Variants in RNF222 observed in about 807,000 individuals in gnomAD.
RNF222 encodes the protein ring finger protein 222, also known as RING finger protein LOC643904.
RNF222 carries 14 observed loss-of-function variants against 10.8 expected under a neutral mutation model. The observed-to-expected ratio is 1.30, with a 90% CI of 0.86 to 2.03. RNF222 has a LOEUF of 2.03. Among genes scored for constraint, RNF222 ranks in the 30% most tolerant of loss-of-function variants. The pLI, the probability that RNF222 is intolerant of heterozygous loss-of-function variation, is 0.00. For synonymous variants in RNF222, 141 were observed against 142.5 expected, an observed-to-expected ratio of 0.99 and a Z score of 0.07; for missense variants, 298 against 295.8, an observed-to-expected ratio of 1.01 and a Z score of -0.06.
In RNF222 at chr17:8,394,680, C is replaced by T. The variant is rs572050659; in HGVS notation, c.-177-351G>A. On this transcript the variant is annotated intron_variant, in intron 1 of 2. Transcript: ENST00000399398. ...CTTGAACTCCTGACCTCCGGTGATC[C>T]GCCCGCCTCGGCTGGCCTCCCAAAG... 4.6e-5 allele frequency among the ~76,000 whole-genome samples: 7 copies of T among 152,260 alleles called. No individual in the cohort carries two copies. The East Asian group carries it at 7.7e-4, about 17-fold the overall frequency.
At chr17:8,397,283 T>G (rs1908066673) in intron 1 of RNF222, among the ~76,000 whole-genome samples, 2 of 152,112 alleles carry the variant, frequency 1.3e-5, no homozygotes, top group Admixed American at 6.5e-5. Context: ...TAAACAAGGA[T>G]GCCCCTCTGG....
In RNF222 at chr17:8,391,013, C is replaced by G. The variant is rs1907803902; in HGVS notation, c.*1786G>C. ...TCTGTATCCCTCCCCTCCAATAGCA[C>G]CTGTGCTCTTCTGTAATTTTTTTTT... is the stretch of plus-strand genomic sequence containing the variant. On this transcript the variant is annotated 3_prime_UTR_variant, in exon 3 of 3. Coordinates refer to ENST00000399398, the MANE Select transcript of RNF222 (RefSeq NM_001146684.3). The G allele has an allele frequency of 6.6e-6, 1 of 151,988 alleles. No homozygotes were observed. Among genetic ancestry groups the G allele is most frequent in the South Asian group, 2.1e-4 (1 of 4,826 alleles). 9.4% of individuals were successfully genotyped at this position (151,988 alleles called of 1,614,324 possible).
chr17:8,393,443 T>G lies in RNF222; in HGVS notation c.19A>C (p.Lys7Gln). 6.5e-7 allele frequency: 1 copy of G among 1,550,200 alleles called. No homozygotes were observed. Among genetic ancestry groups the G allele is most frequent in the Non-Finnish European group, 8.7e-7 (1 of 1,146,264 alleles). The change falls in exon 3 of 3, where the codon AAG (lysine) becomes CAG (glutamine). Residue 7 changes from lysine (K) to glutamine (Q), a missense_variant. Transcript: ENST00000399398. ...GGGCACTCACTGCCCGAGCTGTCCT[T>G]GCTCTCCCCTTCTGACATGGCCACT... The part of the protein sequence containing the change: MSEGES[K>Q]DSSGSECPVC...
At chr17:8,396,031 G>T (rs1317064628) in intron 1 of RNF222, among the ~76,000 whole-genome samples, 1 of 152,224 alleles carries the variant, frequency 6.6e-6, no homozygotes, top group Non-Finnish European at 1.5e-5. Flanking sequence ...AAACTTTAGA[G>T]CCTAGTGGAC....
Position 8,393,061 on chromosome 17 carries a change from TG to T in RNF222, c.400del (p.Gln134SerfsTer83). The T allele has an allele frequency of 6.7e-7, 1 of 1,493,522 alleles. No individual in the cohort carries two copies. The allele number at this position is 1,493,522 out of a possible 1,614,324, so 92.5% of individuals were successfully genotyped here. ...GCTGGGCAGCAGGTCCAGGGGGAGC[TG>T]GGCGCTCTGGCCCGGGCTGCCTGGC... ...RPPGSPGQSA[Q>X]LPLDLLPSLP... is the part of the protein sequence containing the mutation. On this transcript the variant is annotated frameshift_variant, in exon 3 of 3. Coordinates refer to ENST00000399398, the MANE Select transcript of RNF222 (RefSeq NM_001146684.3). LOFTEE classifies it high-confidence loss of function.
intron 1 of RNF222, among the ~76,000 whole-genome samples, chr17:8,396,891 G>GA (rs1908054729): frequency 2.0e-5 from 3 of 152,170 alleles, no homozygotes; most frequent in Admixed American, 1.3e-4. Flanking sequence ...ACTCTAGTTT[G>GA]AGCACAAACG....
At chr17:8,394,759 A>G (rs1275142760) in intron 1 of RNF222, among the ~76,000 whole-genome samples, 1 of 152,246 alleles carries the variant, frequency 6.6e-6, no homozygotes, top group Admixed American at 6.5e-5. Context: ...GGTTTTAAAC[A>G]GAATCTGAGA....
Position 8,392,421 on chromosome 17 carries a change from T to C in RNF222, c.*378A>G. The C allele has an allele frequency of 4.5e-6, 1 of 223,578 alleles. No homozygotes were observed. Among genetic ancestry groups the C allele is most frequent in the South Asian group, 6.9e-5 (1 of 14,494 alleles). 13.8% of individuals were successfully genotyped at this position (223,578 alleles called of 1,614,324 possible). The stretch of plus-strand genomic sequence containing the variant: ...TGCCATCGGCCAGCCCAGCAGGACG[T>C]CTGCCTGCAGGACTTTCTTGTCCCT... On this transcript the variant is annotated 3_prime_UTR_variant, in exon 3 of 3. Coordinates refer to ENST00000399398, the MANE Select transcript of RNF222 (RefSeq NM_001146684.3). The surrounding 1 kb of genome is among the most constrained non-coding windows in gnomAD (Gnocchi z 4.3).
rs766617222 is a variant in RNF222, at chr17:8,392,777, G to A, written c.*22C>T. On this transcript the variant is annotated 3_prime_UTR_variant, in exon 3 of 3. Transcript: ENST00000399398. This position sits in a 1 kb window ranked among gnomAD's most constrained non-coding sequence, Gnocchi z 4.3. ...TCCCACCCCAGGCCACGGCTAGCCC[G>A]GCGGCCTCCCTGAGGTGCGGCTCAC... 2.5e-5 allele frequency: 38 copies of A among 1,530,048 alleles called. No individual in the cohort carries two copies. Among genetic ancestry groups the A allele is most frequent in the South Asian group, 2.0e-4 (17 of 83,704 alleles). 94.8% of individuals were successfully genotyped at this position (1,530,048 alleles called of 1,614,324 possible).
intron 2 of RNF222, 30 bp from the exon 3 acceptor site, chr17:8,393,516 G>T: frequency 6.7e-7 from 1 of 1,492,780 alleles, no homozygotes; most frequent in Non-Finnish European, 8.9e-7. Flanking sequence ...TGAATATTGG[G>T]GCATTTCCTC....
chr17:8,393,754 T>C (rs1907950119), intron 2 of RNF222, among the ~76,000 whole-genome samples: 1 of 152,192 alleles, frequency 6.6e-6, no homozygotes, highest in Non-Finnish European at 1.5e-5. Flanking sequence ...CCAGTCACAC[T>C]GGACCCCAGG....
chr17:8,393,588 C>T, intron 2 of RNF222, 102 bp from the exon 3 acceptor site: 1 of 1,408,060 alleles, frequency 7.1e-7, no homozygotes, highest in South Asian at 1.5e-5. Context: ...TATCCCCTCT[C>T]CCTGTCTTCT....
rs889821488 is a variant in RNF222, at chr17:8,394,341, G to A, written c.-177-12C>T. 8.5e-5 allele frequency: 13 copies of A among 152,124 alleles called. No homozygotes were observed. Among genetic ancestry groups the A allele is most frequent in the Non-Finnish European group, 1.9e-4 (13 of 68,008 alleles). The allele number at this position is 152,124 out of a possible 1,614,324, so 9.4% of individuals were successfully genotyped here. On this transcript the variant is annotated splice_polypyrimidine_tract_variant and intron_variant, in intron 1 of 2. Transcript: ENST00000399398. ...ACTGGTAGCCAAGTCTGATAGGAAA[G>A]TAAATGAGTGATCAAGTGGCATGAT... is the stretch of plus-strand genomic sequence containing the variant.
In RNF222 at chr17:8,393,613, C is replaced by A. The variant is rs1014741523; in HGVS notation, c.-25-127G>T. The A allele has an allele frequency of 9.2e-6, 12 of 1,310,116 alleles. No homozygotes were observed. The African/African-American group carries it at 1.8e-4, about 19-fold the overall frequency. 81.2% of individuals were successfully genotyped at this position (1,310,116 alleles called of 1,614,324 possible). ...CCCTGTCTTCTGCCTCCTCTCTCTT[C>A]CTCCTACTCTTGGCTCTTCTGCTGC... On this transcript the variant is annotated intron_variant, in intron 2 of 2. Transcript: ENST00000399398.
intron 2 of RNF222, among the ~76,000 whole-genome samples, chr17:8,393,728 C>A (rs556395774): frequency 1.3e-5 from 2 of 152,152 alleles, no homozygotes; most frequent in Non-Finnish European, 2.9e-5. Flanking sequence ...AATCGGGAGA[C>A]AGAGAACCAG....
intron 1 of RNF222, among the ~76,000 whole-genome samples, chr17:8,394,616 T>G (rs1907982127): frequency 6.6e-6 from 1 of 152,154 alleles, no homozygotes; most frequent in Non-Finnish European, 1.5e-5. Context: ...TTTTGTAATT[T>G]TAGTAGAGAC....
chr17:8,397,123 C>T (rs777480112), intron 1 of RNF222, among the ~76,000 whole-genome samples: 5 of 152,092 alleles, frequency 3.3e-5, no homozygotes, highest in Non-Finnish European at 5.9e-5. Context: ...AAGGCTGGGG[C>T]GTAGGGATTA....
rs1907812954 is a variant in RNF222 at position 8,391,302 on chromosome 17, G to A, written c.*1497C>T. The stretch of plus-strand genomic sequence containing the variant: ...CCCAAAGTGCTGGGATTACAGACAT[G>A]AGCCACCGTGCCTGGCCACTTCTGT... On this transcript the variant is annotated 3_prime_UTR_variant, in exon 3 of 3. Transcript: ENST00000399398. The A allele has an allele frequency of 6.6e-6, 1 of 152,240 alleles. No individual in the cohort carries two copies. Among genetic ancestry groups the A allele is most frequent in the Non-Finnish European group, 1.5e-5 (1 of 68,114 alleles). 9.4% of individuals were successfully genotyped at this position (152,240 alleles called of 1,614,324 possible).
rs376063266 is a variant in RNF222 at position 8,393,289 on chromosome 17, G to T, written c.173C>A (p.Thr58Asn). The T allele has an allele frequency of 3.2e-6, 5 of 1,551,376 alleles. No individual in the cohort carries two copies. The African/African-American group carries it at 6.8e-5, about 21-fold the overall frequency. Reference protein sequence around the residue: ...STRVDGQVQRTLVCPICRYVT... With the variant: ...STRVDGQVQRNLVCPICRYVT... ...GTAGCGGCAGATGGGGCAGACCAGG[G>T]TCCTCTGGACCTGCCCATCCACGCG... The change falls in exon 3 of 3, where the codon ACC becomes AAC. Residue 58 changes from threonine (T) to asparagine (N), a missense_variant. By Grantham distance (65) the Thr-to-Asn change is moderately conservative (BLOSUM62 0). Transcript: ENST00000399398.
Sources: allele counts gnomAD v4.1 joint callset (sites outside exome capture counted in the v4.1 genomes callset), GRCh38; gene constraint gnomAD v4.1.1; non-coding constraint Gnocchi (gnomAD v3.1); transcripts MANE v1.5; gene names NCBI Gene and HGNC (gene_info 2026-07-23, HGNC 2026-07-21).